TAF4: variants seen among roughly 807,000 people sequenced by gnomAD.
TAF4 encodes transcription initiation factor TFIID subunit 4.
TAF4 carries 9 observed loss-of-function variants against 90.3 expected under a neutral mutation model. The ratio of observed to expected loss-of-function variants is 0.10; its 90% CI spans 0.06 to 0.17. The LOEUF (loss-of-function observed/expected upper bound fraction) is 0.17, where lower values mean the gene tolerates loss of function less well. Ranked by LOEUF, TAF4 falls within the 10% of genes least tolerant of loss-of-function variation. The pLI is 1.00. For missense variants in TAF4, 1,351 were observed against 1,370.7 expected (o/e 0.99, Z 0.23); for synonymous variants, 818 against 638.9 (o/e 1.28, Z -4.23).
chr20:62,021,266 T>G (rs544039182), intron 1 of TAF4, among the ~76,000 whole-genome samples: 15 of 152,152 alleles, frequency 9.9e-5, no homozygotes, highest in African/African-American at 3.6e-4. Context: ...AGGGAATAAG[T>G]GAAGAAAACA....
intron 14 of TAF4, among the ~76,000 whole-genome samples, chr20:61,987,288 G>C (rs1021091590): frequency 1.1e-4 from 16 of 152,160 alleles, no homozygotes; most frequent in Non-Finnish European, 2.4e-4. Context: ...GACCAGGAAA[G>C]ACTGAGCAGC....
At chr20:62,013,345 G>A (rs2055790813) in intron 2 of TAF4, among the ~76,000 whole-genome samples, 1 of 152,258 alleles carries the variant, frequency 6.6e-6, no homozygotes, top group African/African-American at 2.4e-5. Context: ...CCAGAGAGGG[G>A]AAGGAAGGTG....
chr20:61,985,957 G>C (rs1343328295), intron 14 of TAF4, among the ~76,000 whole-genome samples: 8 of 104,036 alleles, frequency 7.7e-5, no homozygotes, highest in South Asian at 3.3e-4. Flanking sequence ...CACCATCCCC[G>C]ACCAAAGGAA....
rs1453890761 is a variant in TAF4, at chr20:62,012,615, AAG to A, written c.1641+198_1641+199del. Reference sequence around the variant, plus strand: ...TTCTGTGTGACTAAAAAAAAGAAAAAAGAAAAAAAGAAATCCTGACTTATCCC... The same window carrying A: ...TTCTGTGTGACTAAAAAAAAGAAAAAAAAAAAAGAAATCCTGACTTATCCC... On this transcript the variant is annotated intron_variant, in intron 3 of 14. Coordinates refer to ENST00000252996, the MANE Select transcript of TAF4 (RefSeq NM_003185.4). The A allele has an allele frequency of 2.7e-5, 18 of 675,702 alleles. No individual in the cohort carries two copies. In the Admixed American group the frequency reaches 5.4e-4, roughly 20 times the overall value. 41.9% of individuals were successfully genotyped at this position (675,702 alleles called of 1,614,324 possible). A position where few individuals can be genotyped will look rare whatever the true frequency, so the allele number is the denominator to read the frequency against.
intron 1 of TAF4, among the ~76,000 whole-genome samples, chr20:62,024,730 C>G (rs922358021): frequency 3.3e-5 from 5 of 152,078 alleles, no homozygotes; most frequent in Non-Finnish European, 7.4e-5. Flanking sequence ...ATTAGCAGGG[C>G]GTGGTGGTGC....
At chr20:62,002,665 T>C (rs991366896) in intron 9 of TAF4, among the ~76,000 whole-genome samples, 1 of 152,180 alleles carries the variant, frequency 6.6e-6, no homozygotes, top group African/African-American at 2.4e-5. Context: ...TAATTTTTTA[T>C]TTTTTGTTGT....
intron 1 of TAF4, among the ~76,000 whole-genome samples, chr20:62,039,901 G>A (rs923012841): frequency 2.6e-5 from 4 of 152,182 alleles, no homozygotes; most frequent in African/African-American, 7.2e-5. Context: ...GTGGAAAGAC[G>A]CTCAGCATTA....
intron 1 of TAF4, among the ~76,000 whole-genome samples, chr20:62,022,276 T>C (rs2055848170): frequency 6.6e-6 from 1 of 151,800 alleles, no homozygotes; most frequent in Non-Finnish European, 1.5e-5. Context: ...CATGGAGAGG[T>C]GGGAAGGGTC....
At chr20:62,015,522 G>A (rs568692209) in intron 1 of TAF4, among the ~76,000 whole-genome samples, 5 of 152,284 alleles carry the variant, frequency 3.3e-5, no homozygotes, top group African/African-American at 7.2e-5. Flanking sequence ...ACTCTTTCCC[G>A]AGTGAAGCCT....
At chr20:62,014,160 G>A (rs1211094055) in intron 2 of TAF4, among the ~76,000 whole-genome samples, 9 of 152,080 alleles carry the variant, frequency 5.9e-5, no homozygotes, top group Admixed American at 5.2e-4. Flanking sequence ...CGGCGCTGGT[G>A]GCGGTCCTGC....
rs949049582 is a variant in TAF4 at position 61,998,279 on chromosome 20, A to G, written c.2914-87T>C. On this transcript the variant is annotated intron_variant, in intron 12 of 14. Coordinates refer to ENST00000252996, the MANE Select transcript of TAF4 (RefSeq NM_003185.4). ...AATGTGTTATCTTATTTACTATACA[A>G]TAACATCTAGGTAATGTTAAAGAAT... 3.6e-6 allele frequency: 5 copies of G among 1,376,164 alleles called. No individual in the cohort carries two copies. The African/African-American group carries it at 5.8e-5, about 16-fold the overall frequency. 85.2% of individuals were successfully genotyped at this position (1,376,164 alleles called of 1,614,324 possible).
intron 6 of TAF4, chr20:62,007,020 A>T (rs2055750541): frequency 5.2e-6 from 2 of 387,916 alleles, no homozygotes; most frequent in East Asian, 3.9e-5. Context: ...AAAACTTTTT[A>T]AAATATGTTA....
intron 9 of TAF4, 59 bp downstream of exon 9, chr20:62,003,101 C>T: frequency 6.8e-7 from 1 of 1,476,898 alleles, no homozygotes; most frequent in Non-Finnish European, 9.5e-7. Flanking sequence ...GCAGCACGGA[C>T]TCTGGACTCT....
At chr20:62,025,136 C>T (rs753686187) in intron 1 of TAF4, among the ~76,000 whole-genome samples, 14 of 152,212 alleles carry the variant, frequency 9.2e-5, no homozygotes, top group Non-Finnish European at 1.8e-4. Context: ...GAAAGTTAAA[C>T]ATACTCCTCA....
intron 11 of TAF4, 88 bp downstream of exon 11, chr20:62,000,036 C>A (rs1328292956): frequency 6.3e-7 from 1 of 1,581,992 alleles, no homozygotes; most frequent in African/African-American, 1.3e-5. Flanking sequence ...CCACCGCCCT[C>A]TGCCTCGGTG....
intron 1 of TAF4, among the ~76,000 whole-genome samples, chr20:62,049,336 G>A (rs1465056872): frequency 2.0e-5 from 3 of 152,124 alleles, no homozygotes. Context: ...GGTGAGCATG[G>A]GAGGCGCACA....
intron 1 of TAF4, among the ~76,000 whole-genome samples, chr20:62,041,470 A>G (rs1260421218): frequency 6.6e-6 from 1 of 152,090 alleles, no homozygotes; most frequent in Non-Finnish European, 1.5e-5. Flanking sequence ...TCTACTAAAA[A>G]TACAAAAAAT....
At chr20:62,053,558 A>G (rs1218330614) in intron 1 of TAF4, among the ~76,000 whole-genome samples, 3 of 152,158 alleles carry the variant, frequency 2.0e-5, no homozygotes, top group Non-Finnish European at 2.9e-5. Flanking sequence ...GCATCCGTGC[A>G]CCTCACCTCC....
chr20:62,038,118 T>C (rs1187794403), intron 1 of TAF4, among the ~76,000 whole-genome samples: 2 of 152,066 alleles, frequency 1.3e-5, no homozygotes, highest in African/African-American at 4.8e-5. Flanking sequence ...AAGCTCCGCC[T>C]CCCAGGTTCA....
Sources: gnomAD v4.1 joint callset for allele counts (sites outside exome capture counted in the v4.1 genomes callset) on GRCh38, gnomAD v4.1.1 for gene constraint, MANE v1.5 for transcripts, NCBI Gene and HGNC (gene_info 2026-07-23, HGNC 2026-07-21) for gene names.